LIPA: variants seen among roughly 807,000 people sequenced by gnomAD.
LIPA encodes the protein lysosomal acid lipase/cholesteryl ester hydrolase.
LIPA carries 26 observed loss-of-function variants against 40.6 expected under a neutral mutation model. That is an observed-to-expected ratio of 0.64 (90% CI 0.47 to 0.89). The LOEUF (loss-of-function observed/expected upper bound fraction) is 0.89, where lower values mean the gene tolerates loss of function less well. Ranked by LOEUF, LIPA falls within the 40% of genes least tolerant of loss-of-function variation. The probability of loss-of-function intolerance (pLI) is 0.00; values close to 1 mark genes in which losing one functional copy is unlikely to be tolerated. For synonymous variants in LIPA, 188 were observed against 168.4 expected (o/e 1.12, Z -0.90); for missense variants, 455 against 479.6 (o/e 0.95, Z 0.48).
intron 1 of LIPA, among the ~76,000 whole-genome samples, chr10:89,291,068 G>A (rs1843371783): frequency 6.6e-6 from 1 of 152,032 alleles, no homozygotes; most frequent in Non-Finnish European, 1.5e-5. Flanking sequence ...GCAAAATATG[G>A]ATGTAGGATG....
chr10:89,403,943 A>G (rs1272224849), intron 2 of LIPA: 1 of 388,582 alleles, frequency 2.6e-6, no homozygotes, highest in African/African-American at 2.1e-5. Flanking sequence ...TAGAGAAAAA[A>G]TGTTAGTTAA....
At chr10:89,325,319 G>C (rs961859242) in intron 1 of LIPA, among the ~76,000 whole-genome samples, 14 of 152,062 alleles carry the variant, frequency 9.2e-5, no homozygotes, top group Non-Finnish European at 1.6e-4. Context: ...ATTTCTCAAA[G>C]AACTTAAAAT....
At chr10:89,229,793 CTT>C (rs1842818786) in intron 3 of LIPA, among the ~76,000 whole-genome samples, 1 of 150,714 alleles carries the variant, frequency 6.6e-6, no homozygotes, top group African/African-American at 2.4e-5. Context: ...AAACTACGGA[CTT>C]TGTGTGAATG....
At chr10:89,371,944 A>T (rs1439567140) in intron 2 of LIPA, among the ~76,000 whole-genome samples, 1 of 152,160 alleles carries the variant, frequency 6.6e-6, no homozygotes, top group African/African-American at 2.4e-5. Flanking sequence ...TAAGTCAACT[A>T]ACATGGAAAC....
chr10:89,339,521 T>C (rs1843815404), intron 1 of LIPA: 1 of 1,614,040 alleles, frequency 6.2e-7, no homozygotes, highest in African/African-American at 1.3e-5. Flanking sequence ...AAGGCAAAAG[T>C]AAGACAAATG....
At chr10:89,403,520 G>A (rs200504886) in intron 2 of LIPA, 1 of 1,613,676 alleles carries the variant, frequency 6.2e-7, no homozygotes, top group Non-Finnish European at 8.5e-7. Context: ...CATTAACAAG[G>A]GATAAAAGTA....
At chr10:89,378,440 G>A (rs1844138361) in intron 2 of LIPA, among the ~76,000 whole-genome samples, 2 of 152,154 alleles carry the variant, frequency 1.3e-5, no homozygotes, top group African/African-American at 2.4e-5. Flanking sequence ...GCCTACAGGA[G>A]CAAGAGGAGA....
intron 1 of LIPA, among the ~76,000 whole-genome samples, chr10:89,319,414 T>C (rs1282708130): frequency 2.0e-5 from 3 of 152,124 alleles, no homozygotes; most frequent in Non-Finnish European, 4.4e-5. Flanking sequence ...CAAACTATCA[T>C]CAGAGAATAC....
chr10:89,290,154 T>G (rs1026079519), intron 1 of LIPA, among the ~76,000 whole-genome samples: 1 of 152,184 alleles, frequency 6.6e-6, no homozygotes, highest in Admixed American at 6.5e-5. Flanking sequence ...TGGACCCCCT[T>G]GGACACTCTC....
At chr10:89,264,079 C>G (rs1843223439) in intron 1 of LIPA, among the ~76,000 whole-genome samples, 1 of 152,228 alleles carries the variant, frequency 6.6e-6, no homozygotes, top group Non-Finnish European at 1.5e-5. Context: ...TGGGGAGCCT[C>G]TAGGTTTGGG....
At chr10:89,413,175 T>C (rs1841490136) in intron 1 of LIPA, among the ~76,000 whole-genome samples, 1 of 152,252 alleles carries the variant, frequency 6.6e-6, no homozygotes, top group South Asian at 2.1e-4. Flanking sequence ...TATTTAGAGT[T>C]CATAAAATTT....
chr10:89,308,060 C>G (rs1396149012), intron 1 of LIPA: 1 of 152,324 alleles, frequency 6.6e-6, no homozygotes, highest in African/African-American at 2.4e-5. Context: ...AGACTTTCAG[C>G]AAGTATACAG....
intron 2 of LIPA, among the ~76,000 whole-genome samples, chr10:89,410,130 C>A (rs1640064859): frequency 6.6e-6 from 1 of 152,200 alleles, no homozygotes; most frequent in South Asian, 2.1e-4. Context: ...AGGCTGGCCT[C>A]ACTGTTTAAG....
At position 89,320,875 on chromosome 10, in the gene LIPA, G is replaced by C. The variant is rs530228487; in HGVS notation, c.-2+21736C>G. The stretch of plus-strand genomic sequence containing the variant: ...GTACTGGTACCAAAACAGAGATATA[G>C]ACCAATGGAACAGAACAGAGCCCTC... On this transcript the variant is annotated intron_variant, in intron 1 of 5. Coordinates refer to the LIPA transcript ENST00000282673. Among the ~76,000 whole-genome samples the C allele has an allele frequency of 1.0e-3, 152 of 152,016 alleles. 2 individuals carry two copies. The South Asian group carries it at 0.029, about 29-fold the overall frequency.
intron 1 of LIPA, among the ~76,000 whole-genome samples, chr10:89,292,852 T>C (rs1319318849): frequency 6.6e-6 from 1 of 151,956 alleles, no homozygotes; most frequent in Non-Finnish European, 1.5e-5. Flanking sequence ...TCTTGCTATG[T>C]TGCCCAGACT....
chr10:89,384,228 T>C, intron 2 of LIPA: 2 of 1,614,186 alleles, frequency 1.2e-6, no homozygotes, highest in Admixed American at 1.7e-5. Flanking sequence ...TCAAGGAAGC[T>C]ACAAACTGGC....
intron 2 of LIPA, among the ~76,000 whole-genome samples, chr10:89,360,781 C>A (rs1045862198): frequency 9.2e-5 from 14 of 152,190 alleles, no homozygotes; most frequent in African/African-American, 3.1e-4. Context: ...GTATTAATTT[C>A]CTAGGGCTGC....
chr10:89,397,601 T>A (rs965852220), intron 2 of LIPA, among the ~76,000 whole-genome samples: 1 of 152,162 alleles, frequency 6.6e-6, no homozygotes, highest in Non-Finnish European at 1.5e-5. Flanking sequence ...ATCTTAAACT[T>A]CTGGCCTCAA....
At chr10:89,279,524 A>G (rs191424142) in intron 1 of LIPA, among the ~76,000 whole-genome samples, 108 of 152,322 alleles carry the variant, frequency 7.1e-4, no homozygotes, top group African/African-American at 2.6e-3. Flanking sequence ...AGATTTCTAA[A>G]TGTATTGGCA....
Sources: allele counts gnomAD v4.1 joint callset (sites outside exome capture counted in the v4.1 genomes callset), GRCh38; gene constraint gnomAD v4.1.1; transcripts MANE v1.5; gene names NCBI Gene and HGNC (gene_info 2026-07-23, HGNC 2026-07-21).